MS4A4A: variants seen among roughly 807,000 people sequenced by gnomAD.
The protein encoded by MS4A4A is membrane spanning 4-domains A4A.
MS4A4A carries 26 observed loss-of-function variants against 28.0 expected under a neutral mutation model. The ratio of observed to expected loss-of-function variants is 0.93; its 90% CI spans 0.68 to 1.29. MS4A4A has a LOEUF of 1.29. Among genes scored for constraint, MS4A4A ranks in the 50% most tolerant of loss-of-function variants. MS4A4A has a pLI of 0.00. For synonymous variants in MS4A4A, 86 were observed against 100.8 expected (o/e 0.85, Z 0.88); for missense variants, 290 against 293.1 (o/e 0.99, Z 0.08).
chr11:60,301,674 C>T (rs1217042687), intron 4 of MS4A4A, among the ~76,000 whole-genome samples: 2 of 152,186 alleles, frequency 1.3e-5, no homozygotes, highest in Non-Finnish European at 2.9e-5. Flanking sequence ...CAAATCTGGC[C>T]TAACCCAACT....
At chr11:60,294,613 A>G (rs1306446685) in intron 2 of MS4A4A, among the ~76,000 whole-genome samples, 1 of 151,832 alleles carries the variant, frequency 6.6e-6, no homozygotes, top group Non-Finnish European at 1.5e-5. Flanking sequence ...TCTGTGATTC[A>G]TTTTCAGTTA....
chr11:60,287,608 C>G (rs1016225406), intron 1 of MS4A4A, among the ~76,000 whole-genome samples: 2 of 152,212 alleles, frequency 1.3e-5, no homozygotes, highest in Non-Finnish European at 2.9e-5. Flanking sequence ...TACAATACTT[C>G]TGTCTCAATA....
At chr11:60,282,886 G>T (rs553031982) in intron 1 of MS4A4A, 50 of 540,496 alleles carry the variant, frequency 9.3e-5, no homozygotes, top group African/African-American at 6.8e-4. Context: ...GATCATTCTG[G>T]CTACAACATC....
intron 1 of MS4A4A, among the ~76,000 whole-genome samples, chr11:60,283,592 T>A (rs1232697133): frequency 6.6e-6 from 1 of 152,230 alleles, no homozygotes; most frequent in African/African-American, 2.4e-5. Context: ...GGATGTCTTC[T>A]ATTTAGGTCT....
Position 60,308,318 on chromosome 11 carries a change from G to T in MS4A4A, c.*140G>T. The stretch of plus-strand genomic sequence containing the variant: ...TTATTATTATATGTAATCCAATTAT[G>T]AACTGTGTGTGTATAGAGAGATAAT... On this transcript the variant is annotated 3_prime_UTR_variant, in exon 7 of 7. Coordinates refer to ENST00000337908, the MANE Select transcript of MS4A4A (RefSeq NM_148975.3). 1.4e-6 allele frequency: 1 copy of T among 731,556 alleles called. No individual in the cohort carries two copies. The highest frequency in any genetic ancestry group is 1.9e-5 in the South Asian group (1 of 53,850). 45.3% of individuals were successfully genotyped at this position (731,556 alleles called of 1,614,324 possible).
intron 5 of MS4A4A, 55 bp downstream of exon 5, chr11:60,302,772 CTGGCT>C: frequency 6.6e-7 from 1 of 1,511,806 alleles, no homozygotes. Context: ...TTGGGGAGTG[CTGGCT>C]CTGGCAAAGA....
intron 6 of MS4A4A, among the ~76,000 whole-genome samples, chr11:60,307,482 T>C (rs749732823): frequency 1.6e-4 from 25 of 152,358 alleles, no homozygotes; most frequent in African/African-American, 5.8e-4. Flanking sequence ...AACTCTTTCG[T>C]AAGTTTCATG....
intron 1 of MS4A4A, among the ~76,000 whole-genome samples, chr11:60,284,194 C>T (rs1053111984): frequency 1.3e-5 from 2 of 152,218 alleles, no homozygotes; most frequent in Non-Finnish European, 2.9e-5. Context: ...TTCTATAATT[C>T]TGTCCTGTGA....
chr11:60,300,951 C>A (rs1176124165), intron 3 of MS4A4A, 50 bp from the exon 4 acceptor site: 1 of 1,372,082 alleles, frequency 7.3e-7, no homozygotes, highest in South Asian at 1.3e-5. Flanking sequence ...AGTTATGACT[C>A]CCAATACTGG....
At chr11:60,286,889 T>C (rs2084807759) in intron 1 of MS4A4A, among the ~76,000 whole-genome samples, 1 of 152,236 alleles carries the variant, frequency 6.6e-6, no homozygotes, top group African/African-American at 2.4e-5. Flanking sequence ...CATTAATGGA[T>C]AAGGATTTAC....
At chr11:60,292,725 C>A (rs2084868736) in intron 2 of MS4A4A, among the ~76,000 whole-genome samples, 1 of 152,158 alleles carries the variant, frequency 6.6e-6, no homozygotes, top group Non-Finnish European at 1.5e-5. Flanking sequence ...TGATAGCTGA[C>A]AGGCACATAT....
chr11:60,307,807 T>A (rs184700045), intron 6 of MS4A4A, among the ~76,000 whole-genome samples: 42 of 152,300 alleles, frequency 2.8e-4, no homozygotes, highest in Admixed American at 1.3e-3. Context: ...GAGCCCCATA[T>A]TTTTCATAAC....
intron 3 of MS4A4A, among the ~76,000 whole-genome samples, chr11:60,298,318 C>G (rs1361804404): frequency 1.3e-5 from 2 of 152,112 alleles, no homozygotes; most frequent in African/African-American, 2.4e-5. Context: ...TATAGAAGAG[C>G]TTGCTTTTTG....
rs187695213 is a variant in MS4A4A at position 60,287,549 on chromosome 11, G to A, written c.42-4676G>A. Among the ~76,000 whole-genome samples, 211 of 152,224 alleles carry A rather than the reference G, an allele frequency of 1.4e-3. 2 individuals carry two copies. Among genetic ancestry groups the A allele is most frequent in the Non-Finnish European group, 2.6e-3 (174 of 68,012 alleles). On this transcript the variant is annotated intron_variant, in intron 1 of 6. Coordinates refer to ENST00000337908, the MANE Select transcript of MS4A4A (RefSeq NM_148975.3). Reference sequence around the variant, plus strand: ...TTTTAGAGGGGACATTGAAACCATAGCATCTCATCTACAACCCTCCAAAAC... The same window carrying A: ...TTTTAGAGGGGACATTGAAACCATAACATCTCATCTACAACCCTCCAAAAC...
intron 1 of MS4A4A, among the ~76,000 whole-genome samples, chr11:60,283,407 G>A (rs1172334991): frequency 6.6e-6 from 1 of 152,106 alleles, no homozygotes; most frequent in Non-Finnish European, 1.5e-5. Context: ...GTAGTTAATT[G>A]CTGGACCTTC....
intron 3 of MS4A4A, 143 bp downstream of exon 3, chr11:60,297,468 ATATT>A (rs2084916286): frequency 1.1e-6 from 1 of 873,110 alleles, no homozygotes. Flanking sequence ...CAATTTTCTC[ATATT>A]TAAAGTACTA....
intron 1 of MS4A4A, among the ~76,000 whole-genome samples, chr11:60,283,551 C>T (rs1472676014): frequency 2.0e-5 from 3 of 152,130 alleles, no homozygotes; most frequent in Non-Finnish European, 4.4e-5. Flanking sequence ...CGCCACCTTA[C>T]TTTTTTGAAA....
At chr11:60,297,440 A>T in intron 3 of MS4A4A, 115 bp downstream of exon 3, 2 of 1,192,896 alleles carry the variant, frequency 1.7e-6, no homozygotes, top group Middle Eastern at 2.3e-4. Context: ...TGAGAGTGGT[A>T]TCTAACCATT....
chr11:60,291,824 A>G (rs1207419153), intron 1 of MS4A4A, among the ~76,000 whole-genome samples: 1 of 151,506 alleles, frequency 6.6e-6, no homozygotes, highest in Non-Finnish European at 1.5e-5. Context: ...AAACAAAACT[A>G]AAAAACAAAG....
Sources: allele counts gnomAD v4.1 joint callset (sites outside exome capture counted in the v4.1 genomes callset), GRCh38; gene constraint gnomAD v4.1.1; transcripts MANE v1.5; gene names NCBI Gene and HGNC (gene_info 2026-07-23, HGNC 2026-07-21).